Variants in TGM2 observed in about 807,000 individuals in gnomAD.
TGM2 encodes the protein transglutaminase 2, also known as protein-glutamine gamma-glutamyltransferase 2.
A neutral mutation model predicts 75.6 loss-of-function variants in TGM2; 53 were observed. The observed-to-expected ratio is 0.70, with a 90% CI of 0.56 to 0.88. The LOEUF (loss-of-function observed/expected upper bound fraction) is 0.88, where lower values mean the gene tolerates loss of function less well. TGM2 is among the 40% of genes least tolerant of loss of function. The pLI is 0.00. For missense variants in TGM2, 842 were observed against 928.5 expected (o/e 0.91, Z 1.21); for synonymous variants, 374 against 381.1 (o/e 0.98, Z 0.22).
chr20:38,161,487 CAGCCAGA>C lies in TGM2; in HGVS notation c.116_122del (p.Phe39Ter). The C allele has an allele frequency of 6.2e-7, 1 of 1,614,170 alleles. No individual in the cohort carries two copies. The highest frequency in any genetic ancestry group is 8.5e-7 in the Non-Finnish European group (1 of 1,180,032). On this transcript the variant is annotated frameshift_variant, in exon 2 of 13. Transcript: ENST00000361475. LOFTEE classifies it high-confidence loss of function. ...AGTTGCGGCCCTCAAAGTGCAGGGT[CAGCCAGA>C]AGGGCTGGCCCCGTCGCACCACCAG...
intron 4 of TGM2, among the ~76,000 whole-genome samples, chr20:38,149,178 T>C (rs1481856207): frequency 6.6e-6 from 1 of 152,246 alleles, no homozygotes; most frequent in Non-Finnish European, 1.5e-5. Context: ...TGGCCTAGTA[T>C]GTCGTGCACA....
In TGM2 at chr20:38,161,455, G is replaced by A; in HGVS notation, c.155C>T (p.Ala52Val). 1 of 1,614,162 alleles carries A rather than the reference G, an allele frequency of 6.2e-7. No individual in the cohort carries two copies. Residue 52 changes from alanine (A) to valine (V), a missense_variant, in exon 2 of 13, where the codon GCC (alanine) becomes GTC (valine). Ala to Val is a moderately conservative substitution (Grantham distance 64). Coordinates refer to ENST00000361475, the MANE Select transcript of TGM2 (RefSeq NM_004613.4). ...ACTGAAGGTGAGACTGTCTACACTG[G>A]CCTCGTAGTTGCGGCCCTCAAAGTG... is the stretch of plus-strand genomic sequence containing the variant. ...TLHFEGRNYE[A>V]SVDSLTFSVV...
chr20:38,138,334 A>G lies in TGM2; in HGVS notation c.1394T>C (p.Leu465Pro). 6.2e-7 allele frequency: 1 copy of G among 1,614,066 alleles called. No individual in the cohort carries two copies. Among genetic ancestry groups the G allele is most frequent in the East Asian group, 2.2e-5 (1 of 44,882 alleles). ...CATCCCTGTCTCCTCCTTCTCGGCC[A>G]GTTTGTTCAGGTGGTTCGCCCTTGT... ...AFTRANHLNK[L>P]AEKEETGMAM... Residue 465 changes from leucine (L) to proline (P), a missense_variant, in exon 10 of 13, where the codon CTG (leucine) becomes CCG (proline). By Grantham distance (98) the Leu-to-Pro change is moderately conservative. Transcript: ENST00000361475.
intron 1 of TGM2, among the ~76,000 whole-genome samples, chr20:38,164,742 C>T (rs567337657): frequency 7.9e-5 from 12 of 152,168 alleles, no homozygotes; most frequent in African/African-American, 1.9e-4. Flanking sequence ...CCTCTCTGGC[C>T]GCTGGAGCCA....
upstream of TGM2, chr20:38,166,549 A>G (rs1236898547): frequency 6.6e-6 from 1 of 152,258 alleles, no homozygotes; most frequent in Non-Finnish European, 1.5e-5. Flanking sequence ...ACAGAGGCCC[A>G]CGGGGCTTCC....
At chr20:38,135,037 G>A (rs1031102304) in intron 10 of TGM2, among the ~76,000 whole-genome samples, 2 of 152,222 alleles carry the variant, frequency 1.3e-5, no homozygotes, top group South Asian at 2.1e-4. Flanking sequence ...ATCCCCAACA[G>A]GAGGGACCTG....
chr20:38,142,856 G>T (rs574110345), intron 6 of TGM2, among the ~76,000 whole-genome samples: 26 of 152,360 alleles, frequency 1.7e-4, no homozygotes, highest in African/African-American at 6.0e-4. Flanking sequence ...CGCACGCTGT[G>T]CTCCTCCACA....
At chr20:38,155,687 T>C (rs1486545550) in intron 3 of TGM2, among the ~76,000 whole-genome samples, 160 bp downstream of exon 3, 2 of 152,126 alleles carry the variant, frequency 1.3e-5, no homozygotes, top group South Asian at 4.1e-4. Flanking sequence ...GGAGTACTCA[T>C]GTCTTGAGGG....
chr20:38,153,593 G>A (rs182103152), intron 3 of TGM2, among the ~76,000 whole-genome samples: 150 of 151,120 alleles, frequency 9.9e-4, no homozygotes, highest in Admixed American at 3.8e-3. Context: ...AGAGCCTCAC[G>A]GTGTATTGTG....
chr20:38,138,477 A>G (rs998499837), intron 9 of TGM2, 92 bp from the exon 10 acceptor site: 14 of 1,603,600 alleles, frequency 8.7e-6, no homozygotes, highest in Non-Finnish European at 1.2e-5. Flanking sequence ...CAGAGGCCTG[A>G]TGACTCAGGG....
At chr20:38,138,918 A>G (rs961175577) in intron 9 of TGM2, among the ~76,000 whole-genome samples, 1 of 152,064 alleles carries the variant, frequency 6.6e-6, no homozygotes, top group African/African-American at 2.4e-5. Context: ...ATTCTATGAA[A>G]CTATCAGCTC....
intron 2 of TGM2, among the ~76,000 whole-genome samples, chr20:38,157,321 C>T (rs1357568581): frequency 1.3e-5 from 2 of 152,000 alleles, no homozygotes; most frequent in Non-Finnish European, 2.9e-5. Context: ...TGTCCAAGTG[C>T]CAGGGGCCGA....
chr20:38,155,315 G>T (rs892970420), intron 3 of TGM2, among the ~76,000 whole-genome samples: 3 of 152,036 alleles, frequency 2.0e-5, no homozygotes, highest in Admixed American at 1.3e-4. Flanking sequence ...GTAAATATGT[G>T]GAATTGGGCA....
chr20:38,152,204 C>G (rs1263669342), intron 3 of TGM2, among the ~76,000 whole-genome samples: 1 of 151,958 alleles, frequency 6.6e-6, no homozygotes, highest in Admixed American at 6.5e-5. Flanking sequence ...TTTCTCAGGC[C>G]CCAGGCACAG....
intron 6 of TGM2, among the ~76,000 whole-genome samples, chr20:38,142,872 C>CTCCA (rs2074993438): frequency 6.6e-6 from 1 of 152,248 alleles, no homozygotes; most frequent in Non-Finnish European, 1.5e-5. Flanking sequence ...CCACACTGGC[C>CTCCA]TCCAGCATGC....
At chr20:38,149,571 C>T (rs919051737) in intron 4 of TGM2, among the ~76,000 whole-genome samples, 5 of 149,604 alleles carry the variant, frequency 3.3e-5, no homozygotes, top group Non-Finnish European at 7.4e-5. Context: ...CCCAGCTACT[C>T]GGGAGGCTGA....
At chr20:38,165,125 C>T in intron 1 of TGM2, 64 bp downstream of exon 1, 1 of 1,612,802 alleles carries the variant, frequency 6.2e-7, no homozygotes, top group South Asian at 1.1e-5. Context: ...TCAGCTCCCA[C>T]CGGGTCCTGA....
At position 38,130,382 on chromosome 20, in the gene TGM2, AG is replaced by A; in HGVS notation, c.1914-14del. On this transcript the variant is annotated splice_polypyrimidine_tract_variant and intron_variant, in intron 12 of 12. Transcript: ENST00000361475. ...CACGGGGTCTGGGCTGCAGGGAGAG[AG>A]GGGGTGGTGAGGAAAGGGGCCCAAG... The A allele has an allele frequency of 3.2e-6, 5 of 1,578,300 alleles. No individual in the cohort carries two copies. In the South Asian group the frequency reaches 3.5e-5, roughly 11 times the overall value.
Position 38,127,459 on chromosome 20 carries a change from G to A in TGM2, c.*2760C>T, listed in dbSNP as rs975963261. The A allele has an allele frequency of 2.6e-6, 2 of 765,714 alleles. No homozygotes were observed. Among genetic ancestry groups the A allele is most frequent in the African/African-American group, 3.8e-5 (2 of 52,772 alleles). 47.4% of individuals were successfully genotyped at this position (765,714 alleles called of 1,614,324 possible). On this transcript the variant is annotated 3_prime_UTR_variant, in exon 13 of 13. Transcript: ENST00000361475. ...CTTTCTACATGACTTCCCAAGGGTG[G>A]GGACTGTCCCCATCATCTATTCATT... is the stretch of plus-strand genomic sequence containing the variant.
Sources: allele counts gnomAD v4.1 joint callset (sites outside exome capture counted in the v4.1 genomes callset), GRCh38; gene constraint gnomAD v4.1.1; transcripts MANE v1.5; gene names NCBI Gene and HGNC (gene_info 2026-07-23, HGNC 2026-07-21).